NALCN: variants seen among roughly 807,000 people sequenced by gnomAD.
The protein encoded by NALCN is sodium leak channel NALCN.
A neutral mutation model predicts 225.3 loss-of-function variants in NALCN; 111 were observed. That is an observed-to-expected ratio of 0.49 (90% confidence interval 0.42 to 0.58). The LOEUF (loss-of-function observed/expected upper bound fraction) is 0.58, where lower values mean the gene tolerates loss of function less well. NALCN is among the 20% of genes least tolerant of loss of function. The pLI is 0.00. For missense variants in NALCN, 1,378 were observed against 2,202.4 expected (o/e 0.63, Z 7.49); for synonymous variants, 764 against 769.0 (o/e 0.99, Z 0.11).
At chr13:101,197,415 A>G (rs1244263064) in intron 13 of NALCN, among the ~76,000 whole-genome samples, 1 of 152,082 alleles carries the variant, frequency 6.6e-6, no homozygotes, top group Admixed American at 6.6e-5. Flanking sequence ...TTATGCTGGT[A>G]TAATTTTCTC....
chr13:101,176,309 C>T lies in NALCN; in HGVS notation c.1830G>A (p.Lys610=), dbSNP rs751449927. Residue 610 remains lysine (K), a synonymous_variant, in exon 15 of 44, where the codon AAG becomes AAA. Transcript: ENST00000251127. ...DNLELDEDLK[K]LKQLKQSEAN... The stretch of plus-strand genomic sequence containing the variant: ...CCCACACACTACTTACTTGTTTAAG[C>T]TTCTTTAGGTCTTCATCAAGTTCTA... 6.3e-7 allele frequency: 1 copy of T among 1,583,148 alleles called. No individual in the cohort carries two copies. The highest frequency in any genetic ancestry group is 1.9e-5 in the Admixed American group (1 of 53,746).
At chr13:101,332,237 G>A (rs1008098507) in intron 7 of NALCN, among the ~76,000 whole-genome samples, 2 of 151,832 alleles carry the variant, frequency 1.3e-5, no homozygotes, top group East Asian at 1.9e-4. Context: ...TTGAAGAAAG[G>A]CATGAGTCTC....
chr13:101,070,074 T>TTTTTTG (rs2032749733), intron 37 of NALCN, among the ~76,000 whole-genome samples: 1 of 141,616 alleles, frequency 7.1e-6, no homozygotes, highest in Non-Finnish European at 1.5e-5. Flanking sequence ...TTTTTTTTTT[T>TTTTTTG]TTTTTTTTTT....
Position 101,111,117 on chromosome 13 carries a change from G to T in NALCN, c.2294+8C>A. 1 of 1,600,968 alleles carries T rather than the reference G, an allele frequency of 6.2e-7. No individual in the cohort carries two copies. The highest frequency in any genetic ancestry group is 8.5e-7 in the Non-Finnish European group (1 of 1,170,152). The stretch of plus-strand genomic sequence containing the variant: ...AGTCTCTGAAGCCCTGTCTTCCCAA[G>T]TATTTACCTGCGCTCTTGGCGGATA... On this transcript the variant is annotated splice_region_variant and intron_variant, in intron 19 of 43. Transcript: ENST00000251127.
At chr13:101,339,820 G>A in intron 7 of NALCN, among the ~76,000 whole-genome samples, 1 of 152,184 alleles carries the variant, frequency 6.6e-6, no homozygotes, top group East Asian at 1.9e-4. Flanking sequence ...ATTGGTACAA[G>A]CACAGAAGTC....
At position 101,065,488 on chromosome 13, in the gene NALCN, T is replaced by G. The variant is rs1312614481; in HGVS notation, c.4520A>C (p.Lys1507Thr). 6.2e-7 allele frequency: 1 copy of G among 1,614,186 alleles called. No homozygotes were observed. ...LRGRLEVDLD[K>T]DKLLFKHMCY... is the part of the protein sequence containing the mutation. ...CATGTGCTTAAACAGGAGCTTGTCC[T>G]TGTCCAGGTCCACCTCCAGCCTCCC... The change falls in exon 40 of 44, where the codon AAG becomes ACG. Residue 1507 changes from lysine to threonine, a missense_variant. Physicochemically the swap from Lys to Thr is moderately conservative, Grantham distance 78 (BLOSUM62 -1). Around this residue, in one of 19 missense-constraint regions of NALCN, gnomAD observed 94 missense variants for 170.3 expected, o/e 0.55. Coordinates refer to ENST00000251127, the MANE Select transcript of NALCN (RefSeq NM_052867.4).
At chr13:101,341,644 G>T (rs2045562664) in intron 7 of NALCN, among the ~76,000 whole-genome samples, 1 of 151,868 alleles carries the variant, frequency 6.6e-6, no homozygotes, top group South Asian at 2.1e-4. Context: ...TTATAGATGT[G>T]GTCCTCATTC....
At chr13:101,375,158 C>A (rs2046652385) in intron 6 of NALCN, among the ~76,000 whole-genome samples, 1 of 152,086 alleles carries the variant, frequency 6.6e-6, no homozygotes, top group Non-Finnish European at 1.5e-5. Flanking sequence ...CTTATGCCTA[C>A]CACCTCAGCA....
chr13:101,149,847 GAA>G (rs1267999083), intron 15 of NALCN, among the ~76,000 whole-genome samples: 1 of 152,214 alleles, frequency 6.6e-6, no homozygotes, highest in Non-Finnish European at 1.5e-5. Flanking sequence ...TATTAAGAGA[GAA>G]GCAGCATCAA....
At chr13:101,275,210 G>T (rs2042932212) in intron 10 of NALCN, among the ~76,000 whole-genome samples, 1 of 152,032 alleles carries the variant, frequency 6.6e-6, no homozygotes, top group African/African-American at 2.4e-5. Flanking sequence ...TGATTGGGAG[G>T]TCATTACACC....
At chr13:101,177,760 T>C (rs1287702117) in intron 14 of NALCN, among the ~76,000 whole-genome samples, 1 of 152,212 alleles carries the variant, frequency 6.6e-6, no homozygotes, top group African/African-American at 2.4e-5. Flanking sequence ...TAATGAATTA[T>C]TCCCATTTGT....
rs2035011362 is a variant in NALCN, at chr13:101,104,773, T to A, written c.2636+121A>T. On this transcript the variant is annotated intron_variant, in intron 23 of 43. Coordinates refer to ENST00000251127, the MANE Select transcript of NALCN (RefSeq NM_052867.4). This position sits in a 1 kb window ranked among gnomAD's most constrained non-coding sequence, Gnocchi z 4.2. ...GTATTTTAAAAACATCATTCCCCAA[T>A]CATCTATTTCATAGCACTATATAGC... 6.5e-7 allele frequency: 1 copy of A among 1,541,198 alleles called. No homozygotes were observed. Among genetic ancestry groups the A allele is most frequent in the Non-Finnish European group, 8.9e-7 (1 of 1,124,594 alleles).
intron 40 of NALCN, among the ~76,000 whole-genome samples, chr13:101,062,433 G>A (rs1369254578): frequency 6.6e-6 from 1 of 152,068 alleles, no homozygotes; most frequent in Admixed American, 6.6e-5. Flanking sequence ...GCTAGGAAAA[G>A]GCTCGCGACT....
chr13:101,312,023 T>A (rs1216051990), intron 7 of NALCN, among the ~76,000 whole-genome samples: 4 of 152,228 alleles, frequency 2.6e-5, no homozygotes, highest in Non-Finnish European at 5.9e-5. Flanking sequence ...TATTGATTAT[T>A]GCCACAATTT....
chr13:101,332,747 G>T (rs1359472680), intron 7 of NALCN, among the ~76,000 whole-genome samples: 2 of 152,188 alleles, frequency 1.3e-5, no homozygotes, highest in East Asian at 1.9e-4. Context: ...TGTTTCAGAG[G>T]TTAGACAAGT....
chr13:101,230,355 T>C (rs1286649569), intron 12 of NALCN, among the ~76,000 whole-genome samples: 1 of 152,208 alleles, frequency 6.6e-6, no homozygotes, highest in Non-Finnish European at 1.5e-5. Flanking sequence ...TCTTTACTTC[T>C]TATTGAGATT....
intron 27 of NALCN, among the ~76,000 whole-genome samples, 173 bp downstream of exon 27, chr13:101,100,611 C>T (rs535901575): frequency 2.0e-5 from 3 of 152,254 alleles, no homozygotes; most frequent in Non-Finnish European, 2.9e-5. Context: ...ACAGGGCTCT[C>T]GCTCTGTTGC....
Position 101,200,750 on chromosome 13 carries a change from AAT to A in NALCN, c.1627-8698_1627-8697del, listed in dbSNP as rs1431293858. Among the ~76,000 whole-genome samples the A allele has an allele frequency of 2.0e-5, 3 of 152,238 alleles. No homozygotes were observed. The East Asian group carries it at 5.8e-4, about 29-fold the overall frequency. On this transcript the variant is annotated intron_variant, in intron 13 of 43. Coordinates refer to ENST00000251127, the MANE Select transcript of NALCN (RefSeq NM_052867.4). ...CCCATTTCTGACCCTAAATATCTCT[AAT>A]AGACTTCCTTAGAGTTAGGTGAAGG...
intron 7 of NALCN, among the ~76,000 whole-genome samples, chr13:101,333,562 C>T (rs1430945116): frequency 6.6e-6 from 1 of 152,158 alleles, no homozygotes; most frequent in Non-Finnish European, 1.5e-5. Flanking sequence ...AGGCTGGGGG[C>T]TTTCTCTCCA....
Sources: gnomAD v4.1 joint callset for allele counts (sites outside exome capture counted in the v4.1 genomes callset) on GRCh38, gnomAD v4.1.1 for gene constraint, gnomAD v4.1.1 regional missense constraint, Gnocchi (gnomAD v3.1) non-coding constraint, MANE v1.5 for transcripts, NCBI Gene and HGNC (gene_info 2026-07-23, HGNC 2026-07-21) for gene names.